BAZ2B: variants seen among roughly 807,000 people sequenced by gnomAD.
BAZ2B encodes the protein bromodomain adjacent to zinc finger domain 2B.
A neutral mutation model predicts 246.0 loss-of-function variants in BAZ2B; 91 were observed. That is an observed-to-expected ratio of 0.37 (90% CI 0.31 to 0.44). BAZ2B has a LOEUF of 0.44. Ranked by LOEUF, BAZ2B falls within the 20% of genes least tolerant of loss-of-function variation. BAZ2B has a pLI of 1.00. For missense variants in BAZ2B, 2,332 were observed against 2,533.7 expected, an observed-to-expected ratio of 0.92 and a Z score of 1.71; for synonymous variants, 855 against 860.0, an observed-to-expected ratio of 0.99 and a Z score of 0.10.
chr2:159,483,982 T>C (rs1371002891), intron 2 of BAZ2B, among the ~76,000 whole-genome samples: 1 of 152,146 alleles, frequency 6.6e-6, no homozygotes, highest in Non-Finnish European at 1.5e-5. Flanking sequence ...AGATGTTTCC[T>C]GTAGCCTAAA....
intron 6 of BAZ2B, among the ~76,000 whole-genome samples, chr2:159,443,596 C>T (rs973517524): frequency 1.3e-5 from 2 of 152,124 alleles, no homozygotes; most frequent in Admixed American, 1.3e-4. Context: ...GCAACCCACT[C>T]CCACAAACCC....
At chr2:159,600,581 C>G (rs1691905560) in intron 1 of BAZ2B, among the ~76,000 whole-genome samples, 1 of 152,076 alleles carries the variant, frequency 6.6e-6, no homozygotes, top group African/African-American at 2.4e-5. Context: ...CCGAAATCCA[C>G]CAAACAGGAC....
rs201235112 is a variant in BAZ2B, at chr2:159,450,741, C to CT, written c.335-2333dup. On this transcript the variant is annotated intron_variant, in intron 4 of 36. Coordinates refer to ENST00000392783, the MANE Select transcript of BAZ2B (RefSeq NM_013450.4). ...AACAGCATAGTAGCAACATTTAACT[C>CT]TTTTTTTTTTTTTTTTGAGACAGAA... Among the ~76,000 whole-genome samples, 403 of 143,470 alleles carry CT rather than the reference C, an allele frequency of 2.8e-3. 2 individuals carry two copies. Among genetic ancestry groups the CT allele is most frequent in the East Asian group, 0.015 (74 of 4,946 alleles). The allele number at this position is 143,470 out of a possible 152,430, so 94.1% of individuals were successfully genotyped here.
intron 2 of BAZ2B, among the ~76,000 whole-genome samples, chr2:159,522,707 C>G (rs2084261664): frequency 6.6e-6 from 1 of 152,192 alleles, no homozygotes; most frequent in Non-Finnish European, 1.5e-5. Flanking sequence ...AGCTACAAAC[C>G]ACACAACCAC....
At chr2:159,597,360 A>T (rs1165321566) in intron 1 of BAZ2B, among the ~76,000 whole-genome samples, 2 of 152,152 alleles carry the variant, frequency 1.3e-5, no homozygotes, top group African/African-American at 4.8e-5. Context: ...TTCATCTTCA[A>T]TGTGAAAGGC....
At chr2:159,360,217 A>T (rs2059538567) in intron 27 of BAZ2B, among the ~76,000 whole-genome samples, 1 of 152,234 alleles carries the variant, frequency 6.6e-6, no homozygotes, top group Non-Finnish European at 1.5e-5. Flanking sequence ...CCATCGTCTC[A>T]GCCCAAAATC....
chr2:159,420,144 T>G lies in BAZ2B; in HGVS notation c.2467-7599A>C, dbSNP rs1055306247. On this transcript the variant is annotated intron_variant, in intron 13 of 36. Coordinates refer to ENST00000392783, the MANE Select transcript of BAZ2B (RefSeq NM_013450.4). The stretch of plus-strand genomic sequence containing the variant: ...TTTTTTGTATTCTTCAGTTTCTCTA[T>G]GAACATTAGTTTTTCTTCAAATTCA... Among the ~76,000 whole-genome samples the G allele has an allele frequency of 7.9e-5, 12 of 152,368 alleles. No individual in the cohort carries two copies. The East Asian group carries it at 2.1e-3, about 27-fold the overall frequency.
the BAZ2B span, among the ~76,000 whole-genome samples, chr2:159,631,015 G>A: frequency 6.6e-6 from 1 of 152,024 alleles, no homozygotes; most frequent in Non-Finnish European, 1.5e-5. Flanking sequence ...GCAACGTGGT[G>A]AAACCCCAAC....
At chr2:159,363,136 A>T (rs542591948) in intron 27 of BAZ2B, among the ~76,000 whole-genome samples, 5 of 152,316 alleles carry the variant, frequency 3.3e-5, no homozygotes, top group African/African-American at 1.2e-4. Context: ...AAGGAAACAC[A>T]TGACCTGGTT....
At chr2:159,516,977 A>C (rs1017578996) in intron 2 of BAZ2B, among the ~76,000 whole-genome samples, 2 of 152,150 alleles carry the variant, frequency 1.3e-5, no homozygotes, top group Non-Finnish European at 2.9e-5. Flanking sequence ...GCCAAAAATA[A>C]AGAAAAGTCT....
chr2:159,411,253 G>A (rs2066795154), intron 14 of BAZ2B, among the ~76,000 whole-genome samples: 1 of 152,028 alleles, frequency 6.6e-6, no homozygotes, highest in Admixed American at 6.6e-5. Flanking sequence ...TAAATTCCTG[G>A]CCTCAAACAA....
chr2:159,677,406 T>C, the BAZ2B span, among the ~76,000 whole-genome samples: 3 of 152,270 alleles, frequency 2.0e-5, no homozygotes, highest in East Asian at 5.8e-4. Context: ...TAATTATATG[T>C]AGAAGACATA....
chr2:159,516,260 T>C (rs1408085591), intron 2 of BAZ2B: 1 of 151,722 alleles, frequency 6.6e-6, no homozygotes, highest in Non-Finnish European at 1.5e-5. Flanking sequence ...AGACATAGAG[T>C]ATAACATTAA....
At chr2:159,398,131 T>C (rs2064342163) in intron 18 of BAZ2B, 1 of 152,106 alleles carries the variant, frequency 6.6e-6, no homozygotes, top group Non-Finnish European at 1.5e-5. Context: ...CTTTACAAAG[T>C]ATAACTGTGG....
intron 1 of BAZ2B, among the ~76,000 whole-genome samples, chr2:159,607,477 G>T (rs1470594268): frequency 6.6e-6 from 1 of 152,116 alleles, no homozygotes; most frequent in Non-Finnish European, 1.5e-5. Flanking sequence ...TTTTAACCCG[G>T]CCTTCACAAA....
chr2:159,676,781 T>C, the BAZ2B span, among the ~76,000 whole-genome samples: 20 of 151,846 alleles, frequency 1.3e-4, no homozygotes, highest in Non-Finnish European at 2.2e-4. Flanking sequence ...TATGGCTAAA[T>C]GGTTACAGAG....
At chr2:159,606,451 G>A (rs1392499901) in intron 1 of BAZ2B, among the ~76,000 whole-genome samples, 1 of 152,132 alleles carries the variant, frequency 6.6e-6, no homozygotes, top group Non-Finnish European at 1.5e-5. Flanking sequence ...AGGTTTTGGT[G>A]CTTCCTATGT....
rs1256949528 is a variant in BAZ2B, at chr2:159,324,853, G to A, written c.6311C>T (p.Pro2104Leu). ...VPGYKKVIKKPMDFSTIREKL... is the reference protein window; with the variant it reads ...VPGYKKVIKKLMDFSTIREKL... ...CTCTCTAATTGTGGAAAAATCCATAGGCTTCTTAATAACTTTCTTATAACC... is the reference window on the plus strand; with the variant it reads ...CTCTCTAATTGTGGAAAAATCCATAAGCTTCTTAATAACTTTCTTATAACC... The change falls in exon 36 of 37, where the codon CCT becomes CTT. Residue 2104 changes from proline (P) to leucine (L), a missense_variant. Pro to Leu is a moderately conservative substitution (Grantham distance 98, BLOSUM62 -3). Around this residue, in one of 9 missense-constraint regions of BAZ2B, gnomAD observed 210 missense variants for 232.5 expected, o/e 0.90. Coordinates refer to ENST00000392783, the MANE Select transcript of BAZ2B (RefSeq NM_013450.4). 1.3e-6 allele frequency: 2 copies of A among 1,545,378 alleles called. No individual in the cohort carries two copies. Among genetic ancestry groups the A allele is most frequent in the Non-Finnish European group, 1.7e-6 (2 of 1,154,524 alleles).
chr2:159,622,263 C>CAAAA, the BAZ2B span, among the ~76,000 whole-genome samples: 76 of 64,000 alleles, frequency 1.2e-3, no homozygotes, highest in Non-Finnish European at 1.4e-3. Context: ...AGTACTGTCT[C>CAAAA]AAAAAAAAAA....
Sources: allele counts gnomAD v4.1 joint callset (sites outside exome capture counted in the v4.1 genomes callset), GRCh38; gene constraint gnomAD v4.1.1; regional missense constraint gnomAD v4.1.1; transcripts MANE v1.5; gene names NCBI Gene and HGNC (gene_info 2026-07-23, HGNC 2026-07-21).